The following SLC2A13 variants were observed in gnomAD, a reference collection of about 807,000 sequenced individuals.
The protein encoded by SLC2A13 is proton myo-inositol cotransporter.
Under a neutral mutation model 64.4 loss-of-function variants are expected in SLC2A13, and 32 were observed. The observed-to-expected ratio is 0.50, with a 90% CI of 0.37 to 0.67. The LOEUF is 0.67. SLC2A13 is among the 30% of genes least tolerant of loss of function. The pLI, the probability that SLC2A13 is intolerant of heterozygous loss-of-function variation, is 0.00. For missense variants in SLC2A13, 743 were observed against 829.2 expected (o/e 0.90, Z 1.28); for synonymous variants, 338 against 327.1 (o/e 1.03, Z -0.36).
chr12:39,834,399 G>A (rs1473782099), intron 6 of SLC2A13, among the ~76,000 whole-genome samples: 2 of 151,922 alleles, frequency 1.3e-5, no homozygotes, highest in African/African-American at 4.8e-5. Context: ...CCAAGTCATG[G>A]ACCAAACTTT....
chr12:39,856,006 T>A (rs1014192645), intron 6 of SLC2A13, among the ~76,000 whole-genome samples: 1 of 152,198 alleles, frequency 6.6e-6, no homozygotes, highest in African/African-American at 2.4e-5. Context: ...TCTACTAGCA[T>A]GCCCATAGAA....
chr12:40,030,886 T>C (rs1221201524), intron 2 of SLC2A13, among the ~76,000 whole-genome samples: 2 of 152,210 alleles, frequency 1.3e-5, no homozygotes, highest in African/African-American at 2.4e-5. Context: ...GTCCGAAATG[T>C]ACAATTCCGT....
At chr12:39,787,155 A>G (rs1941219666) in intron 7 of SLC2A13, among the ~76,000 whole-genome samples, 1 of 152,196 alleles carries the variant, frequency 6.6e-6, no homozygotes, top group African/African-American at 2.4e-5. Context: ...CTAGTTTTAT[A>G]CAAAGGTTAA....
At chr12:39,978,379 G>C (rs984506731) in intron 3 of SLC2A13, among the ~76,000 whole-genome samples, 1 of 152,220 alleles carries the variant, frequency 6.6e-6, no homozygotes, top group Non-Finnish European at 1.5e-5. Context: ...CGATGCAGAA[G>C]ACGGGTGATT....
intron 4 of SLC2A13, among the ~76,000 whole-genome samples, chr12:39,877,106 T>G (rs1433917685): frequency 2.0e-5 from 3 of 152,182 alleles, no homozygotes; most frequent in African/African-American, 7.2e-5. Flanking sequence ...AATTATATTT[T>G]CCTATTGGGA....
At chr12:40,066,141 T>C (rs1937710281) in intron 1 of SLC2A13, among the ~76,000 whole-genome samples, 1 of 152,154 alleles carries the variant, frequency 6.6e-6, no homozygotes, top group Non-Finnish European at 1.5e-5. Flanking sequence ...TATTTATAAA[T>C]TTAACTTTGA....
At chr12:40,091,826 G>C (rs1938778069) in intron 1 of SLC2A13, among the ~76,000 whole-genome samples, 1 of 152,132 alleles carries the variant, frequency 6.6e-6, no homozygotes, top group South Asian at 2.1e-4. Flanking sequence ...GATAAAATGG[G>C]AAGAAAAATT....
At chr12:39,774,031 A>C (rs1940679386) in intron 7 of SLC2A13, among the ~76,000 whole-genome samples, 1 of 152,226 alleles carries the variant, frequency 6.6e-6, no homozygotes. Context: ...CTATCACCTC[A>C]AAACATAGAT....
chr12:39,853,936 T>G (rs1358461841), intron 6 of SLC2A13, among the ~76,000 whole-genome samples: 1 of 152,146 alleles, frequency 6.6e-6, no homozygotes, highest in Non-Finnish European at 1.5e-5. Flanking sequence ...TTTTCATCAT[T>G]TGGTACTTGA....
At chr12:40,036,948 T>A (rs1565599941) in intron 2 of SLC2A13, among the ~76,000 whole-genome samples, 1 of 152,226 alleles carries the variant, frequency 6.6e-6, no homozygotes, top group Non-Finnish European at 1.5e-5. Context: ...GGTTTTATCA[T>A]AAATGAATGT....
In SLC2A13 at chr12:39,783,535, G is replaced by T. The variant is rs574312588; in HGVS notation, c.1446-18677C>A. Among the ~76,000 whole-genome samples the T allele has an allele frequency of 2.2e-4, 33 of 152,284 alleles. 1 individual carries two copies. The East Asian group carries it at 3.5e-3, about 16-fold the overall frequency. On this transcript the variant is annotated intron_variant, in intron 7 of 9. Transcript: ENST00000280871. ...CCCCACATCCTCTCCAGCACCTGTT[G>T]TTTCCTGACTTTTTAATGATCGCCA...
chr12:40,046,088 C>G (rs1156277869), intron 2 of SLC2A13, among the ~76,000 whole-genome samples: 2 of 152,178 alleles, frequency 1.3e-5, no homozygotes, highest in African/African-American at 4.8e-5. Flanking sequence ...GTGCCAAGTG[C>G]TACGCTAAAC....
chr12:39,951,681 A>G (rs1200249651), intron 3 of SLC2A13, among the ~76,000 whole-genome samples: 1 of 152,212 alleles, frequency 6.6e-6, no homozygotes, highest in East Asian at 1.9e-4. Flanking sequence ...TACAAGCTCT[A>G]GAGATTAACC....
intron 3 of SLC2A13, among the ~76,000 whole-genome samples, chr12:40,019,212 C>T (rs1235501399): frequency 6.6e-6 from 1 of 152,294 alleles, no homozygotes; most frequent in African/African-American, 2.4e-5. Flanking sequence ...GTGGAAGCAA[C>T]TGAACTATTT....
intron 6 of SLC2A13, among the ~76,000 whole-genome samples, chr12:39,830,667 T>G (rs534474686): frequency 6.6e-6 from 1 of 152,056 alleles, no homozygotes; most frequent in South Asian, 2.1e-4. Context: ...AAAATGAAAA[T>G]AGTTTTTTTT....
intron 7 of SLC2A13, among the ~76,000 whole-genome samples, chr12:39,800,396 C>T: frequency 6.6e-6 from 1 of 150,514 alleles, no homozygotes. Context: ...AACAAATTTA[C>T]AAGAAAAAAA....
chr12:39,774,450 G>T lies in SLC2A13; in HGVS notation c.1446-9592C>A, dbSNP rs902908297. Among the ~76,000 whole-genome samples the T allele has an allele frequency of 2.6e-5, 4 of 151,990 alleles. No homozygotes were observed. In the South Asian group the frequency reaches 6.2e-4, roughly 24 times the overall value. ...TAAAATGAAATAAACTTATGTCAAG[G>T]GTGGCCACATAGCATTTAAACTCTA... On this transcript the variant is annotated intron_variant, in intron 7 of 9. Transcript: ENST00000280871.
At chr12:39,790,155 A>C (rs1189726407) in intron 7 of SLC2A13, among the ~76,000 whole-genome samples, 1 of 146,780 alleles carries the variant, frequency 6.8e-6, no homozygotes, top group Non-Finnish European at 1.5e-5. Context: ...ACTAAGGTTA[A>C]TTTATCATTG....
chr12:40,028,590 GA>G, intron 2 of SLC2A13, 81 bp from the exon 3 acceptor site: 1 of 1,355,678 alleles, frequency 7.4e-7, no homozygotes, highest in Non-Finnish European at 1.0e-6. Flanking sequence ...GTGTTGTGTT[GA>G]CAACAATAAT....
Sources: gnomAD v4.1 joint callset for allele counts (sites outside exome capture counted in the v4.1 genomes callset) on GRCh38, gnomAD v4.1.1 for gene constraint, MANE v1.5 for transcripts, NCBI Gene and HGNC (gene_info 2026-07-23, HGNC 2026-07-21) for gene names.